The following PRRC2C variants were observed in gnomAD, a reference collection of about 807,000 sequenced individuals.
PRRC2C encodes proline rich coiled-coil 2C.
In PRRC2C, 72 loss-of-function variants were observed where a neutral mutation model predicts 317.2. The observed-to-expected ratio is 0.23, with a 90% CI of 0.19 to 0.28. The LOEUF is 0.28. Ranked by LOEUF, PRRC2C falls within the 10% of genes least tolerant of loss-of-function variation. The pLI, the probability that PRRC2C is intolerant of heterozygous loss-of-function variation, is 1.00. For synonymous variants in PRRC2C, 1,296 were observed against 1,205.9 expected (o/e 1.07, Z -1.55); for missense variants, 3,074 against 3,459.7 (o/e 0.89, Z 2.80).
intron 30 of PRRC2C, among the ~76,000 whole-genome samples, chr1:171,586,063 A>ATTTTTATTTTTTT (rs1649858000): frequency 1.2e-5 from 1 of 83,032 alleles, no homozygotes; most frequent in African/African-American, 4.7e-5. Flanking sequence ...TCAGGTGTTG[A>ATTTTTATTTTTTT]TTTTTTTTTT....
At chr1:171,535,354 A>T in intron 12 of PRRC2C, 74 bp from the exon 13 acceptor site, 1 of 1,335,482 alleles carries the variant, frequency 7.5e-7, no homozygotes, top group South Asian at 1.5e-5. Context: ...ATTATACCTC[A>T]GTCTTTGTAA....
chr1:171,496,446 A>C (rs1209867019), intron 1 of PRRC2C, among the ~76,000 whole-genome samples: 1 of 151,722 alleles, frequency 6.6e-6, no homozygotes, highest in African/African-American at 2.4e-5. Context: ...CAAGTGATCC[A>C]CCTGCCTTGG....
intron 19 of PRRC2C, among the ~76,000 whole-genome samples, chr1:171,559,548 T>G (rs1682234432): frequency 1.5e-5 from 2 of 133,162 alleles, no homozygotes; most frequent in African/African-American, 2.8e-5. Context: ...TTTGAGACAG[T>G]TTCACTCTTG....
At chr1:171,578,489 A>G (rs2102815695) in intron 26 of PRRC2C, among the ~76,000 whole-genome samples, 1 of 152,286 alleles carries the variant, frequency 6.6e-6, no homozygotes, top group East Asian at 1.9e-4. Flanking sequence ...GGTGATAATC[A>G]TGCCACTGCA....
intron 6 of PRRC2C, among the ~76,000 whole-genome samples, chr1:171,519,877 C>G (rs933087310): frequency 1.3e-5 from 2 of 152,122 alleles, no homozygotes; most frequent in African/African-American, 4.8e-5. Context: ...TGCTAATCTT[C>G]TCTGTATTGT....
chr1:171,494,411 A>G (rs540171258), intron 1 of PRRC2C, among the ~76,000 whole-genome samples: 1 of 152,292 alleles, frequency 6.6e-6, no homozygotes, highest in African/African-American at 2.4e-5. Context: ...ATTTGTAGTA[A>G]AAGAATTCAA....
At chr1:171,527,697 A>C (rs1674901040) in intron 10 of PRRC2C, 94 bp from the exon 11 acceptor site, 1 of 1,011,790 alleles carries the variant, frequency 9.9e-7, no homozygotes, top group Admixed American at 2.2e-5. Context: ...CAGAGGTTGC[A>C]GTGAGCCAAG....
At chr1:171,491,366 C>T (rs1667111321) in intron 1 of PRRC2C, among the ~76,000 whole-genome samples, 2 of 152,306 alleles carry the variant, frequency 1.3e-5, no homozygotes, top group African/African-American at 4.8e-5. Flanking sequence ...AACAAGTCAG[C>T]CTGTGTTCTG....
At position 171,550,068 on chromosome 1, in the gene PRRC2C, C is replaced by A. The variant is rs1679916012; in HGVS notation, c.4973-18C>A. On this transcript the variant is annotated intron_variant, in intron 17 of 34. Transcript: ENST00000647382. ...TTGAAAAACAGAAAATATCTTAAAT[C>A]CTTTCCCACACCCACAGGTGTTGTT... 2 of 1,547,312 alleles carry A rather than the reference C, an allele frequency of 1.3e-6. No individual in the cohort carries two copies. Among genetic ancestry groups the A allele is most frequent in the Non-Finnish European group, 1.7e-6 (2 of 1,147,916 alleles).
At chr1:171,498,598 C>T (rs1283845929) in intron 1 of PRRC2C, among the ~76,000 whole-genome samples, 1 of 152,188 alleles carries the variant, frequency 6.6e-6, no homozygotes, top group African/African-American at 2.4e-5. Context: ...AAACATTACT[C>T]CAGAAATTCT....
intron 11 of PRRC2C, among the ~76,000 whole-genome samples, chr1:171,531,653 AT>A (rs1675915801): frequency 6.6e-6 from 1 of 152,168 alleles, no homozygotes; most frequent in Non-Finnish European, 1.5e-5. Context: ...GCAAGCAGTG[AT>A]TTTAAAACCT....
At chr1:171,555,254 C>A (rs925462980) in intron 18 of PRRC2C, among the ~76,000 whole-genome samples, 1 of 152,178 alleles carries the variant, frequency 6.6e-6, no homozygotes, top group African/African-American at 2.4e-5. Context: ...TTGATCGAAT[C>A]GGCTACTGAA....
chr1:171,513,597 C>G, intron 3 of PRRC2C: 2 of 342,800 alleles, frequency 5.8e-6, no homozygotes, highest in Non-Finnish European at 1.2e-5. Context: ...TTTGTATATA[C>G]TGTAGCAAGA....
intron 34 of PRRC2C, chr1:171,591,305 C>G (rs1651358223): frequency 4.6e-6 from 4 of 872,438 alleles, no homozygotes; most frequent in African/African-American, 1.8e-5. Context: ...GATTTGCAAG[C>G]AGGTTCCCTA....
chr1:171,517,508 A>G (rs1463540537), intron 5 of PRRC2C, 83 bp from the exon 6 acceptor site: 3 of 1,287,644 alleles, frequency 2.3e-6, no homozygotes, highest in Non-Finnish European at 3.3e-6. Context: ...ACTTGCTTTC[A>G]TTTTCCTGAA....
intron 18 of PRRC2C, among the ~76,000 whole-genome samples, chr1:171,555,259 A>T (rs932790895): frequency 2.0e-5 from 3 of 152,140 alleles, no homozygotes; most frequent in Admixed American, 6.5e-5. Flanking sequence ...CGAATCGGCT[A>T]CTGAAGCTTG....
At chr1:171,588,328 G>T in intron 32 of PRRC2C, 51 bp from the exon 33 acceptor site, 2 of 1,581,722 alleles carry the variant, frequency 1.3e-6, no homozygotes, top group Non-Finnish European at 1.7e-6. Context: ...AAATCTAACA[G>T]CATTATTTAC....
chr1:171,538,591 TACTC>T (rs2102474435), intron 15 of PRRC2C, among the ~76,000 whole-genome samples: 1 of 152,366 alleles, frequency 6.6e-6, no homozygotes, highest in African/African-American at 2.4e-5. Context: ...CAGATAAGCT[TACTC>T]AAGTGTACTC....
Position 171,512,183 on chromosome 1 carries a change from A to G in PRRC2C, c.95A>G (p.Glu32Gly). 6.4e-7 allele frequency: 1 copy of G among 1,564,506 alleles called. No individual in the cohort carries two copies. Among genetic ancestry groups the G allele is most frequent in the Non-Finnish European group, 8.7e-7 (1 of 1,150,578 alleles). Residue 32 changes from glutamate to glycine, a missense_variant, in exon 2 of 35, where the codon GAA becomes GGA. Glu to Gly is a moderately conservative substitution (Grantham distance 98, BLOSUM62 -2). Around this residue, in one of 11 missense-constraint regions of PRRC2C, gnomAD observed 71 missense variants for 118.9 expected, o/e 0.60. Transcript: ENST00000647382. Reference protein sequence around the residue: ...LFNTYKGKSLETQKTTVAARH... With the variant: ...LFNTYKGKSLGTQKTTVAARH... ...AATACTTACAAGGGGAAATCATTAG[A>G]AACACAGAAAACCACAGGTGAGTAA...
Sources: allele counts gnomAD v4.1 joint callset (sites outside exome capture counted in the v4.1 genomes callset), GRCh38; gene constraint gnomAD v4.1.1; regional missense constraint gnomAD v4.1.1; transcripts MANE v1.5; gene names NCBI Gene and HGNC (gene_info 2026-07-23, HGNC 2026-07-21).